Variants in NELL1 observed in about 807,000 individuals in gnomAD.
NELL1 encodes neural EGFL like 1, also known as protein kinase C-binding protein NELL1.
In NELL1, 76 loss-of-function variants were observed where a neutral mutation model predicts 107.4. The observed-to-expected ratio is 0.71, with a 90% CI of 0.59 to 0.86. The LOEUF is 0.86. Among genes scored for constraint, NELL1 ranks in the 40% least tolerant of loss-of-function variants. The pLI, the probability that NELL1 is intolerant of heterozygous loss-of-function variation, is 0.00. For synonymous variants in NELL1, 353 were observed against 341.2 expected, an observed-to-expected ratio of 1.03 and a Z score of -0.38; for missense variants, 1,024 against 1,005.5, an observed-to-expected ratio of 1.02 and a Z score of -0.25.
chr11:21,115,195 G>A (rs531049484), intron 13 of NELL1, among the ~76,000 whole-genome samples: 2 of 151,998 alleles, frequency 1.3e-5, no homozygotes, highest in African/African-American at 4.8e-5. Context: ...TTAAGAACTG[G>A]CTCCACAATT....
At chr11:21,279,589 A>G (rs1848945764) in intron 14 of NELL1, among the ~76,000 whole-genome samples, 1 of 152,228 alleles carries the variant, frequency 6.6e-6, no homozygotes, top group African/African-American at 2.4e-5. Flanking sequence ...AAAATCTGAC[A>G]CACTAACAGC....
At chr11:21,163,027 G>C (rs1856406138) in intron 13 of NELL1, among the ~76,000 whole-genome samples, 1 of 152,164 alleles carries the variant, frequency 6.6e-6, no homozygotes, top group Non-Finnish European at 1.5e-5. Context: ...GATTAAACCT[G>C]TCTATGAGAC....
chr11:21,182,120 C>T (rs999835304), intron 13 of NELL1, among the ~76,000 whole-genome samples: 42 of 151,832 alleles, frequency 2.8e-4, no homozygotes, highest in Non-Finnish European at 2.9e-5. Flanking sequence ...CAGACGCCAG[C>T]CAGAGCCTGT....
chr11:21,505,238 C>T (rs1413466878), intron 15 of NELL1, among the ~76,000 whole-genome samples: 1 of 152,152 alleles, frequency 6.6e-6, no homozygotes, highest in Admixed American at 6.6e-5. Context: ...CATTACTTAT[C>T]TATGCAGTAA....
At chr11:21,466,181 T>C (rs1854025062) in intron 15 of NELL1, among the ~76,000 whole-genome samples, 1 of 152,158 alleles carries the variant, frequency 6.6e-6, no homozygotes, top group Non-Finnish European at 1.5e-5. Flanking sequence ...CCGACTTATT[T>C]TTCCTTCCAG....
chr11:21,085,148 GTACCT>G (rs1854360286), intron 12 of NELL1, among the ~76,000 whole-genome samples: 1 of 151,994 alleles, frequency 6.6e-6, no homozygotes, highest in Non-Finnish European at 1.5e-5. Flanking sequence ...TATTTATTGA[GTACCT>G]ATAATATGTT....
intron 16 of NELL1, among the ~76,000 whole-genome samples, chr11:21,548,026 TA>T (rs896073172): frequency 2.7e-5 from 4 of 150,844 alleles, no homozygotes; most frequent in East Asian, 3.9e-4. Context: ...ATTTTCCTGC[TA>T]AAAAAAAATC....
chr11:21,402,755 G>A (rs528137511), intron 15 of NELL1, among the ~76,000 whole-genome samples: 1 of 151,310 alleles, frequency 6.6e-6, no homozygotes, highest in Non-Finnish European at 1.5e-5. Flanking sequence ...TGATGTGAAA[G>A]GTAGTTTGAA....
intron 2 of NELL1, among the ~76,000 whole-genome samples, chr11:20,704,072 T>C (rs777537796): frequency 3.5e-4 from 54 of 152,160 alleles, no homozygotes; most frequent in Non-Finnish European, 6.5e-4. Context: ...TAACTCTCTG[T>C]CTTGCTGATC....
intron 14 of NELL1, among the ~76,000 whole-genome samples, chr11:21,358,939 T>C (rs1288942441): frequency 6.6e-6 from 1 of 152,144 alleles, no homozygotes; most frequent in Non-Finnish European, 1.5e-5. Flanking sequence ...CAATTTGACT[T>C]CCTCTTTACT....
intron 12 of NELL1, among the ~76,000 whole-genome samples, chr11:21,017,632 A>G (rs1852598966): frequency 6.6e-6 from 1 of 152,070 alleles, no homozygotes; most frequent in Non-Finnish European, 1.5e-5. Context: ...TGAACATATT[A>G]TATACTTCTT....
intron 4 of NELL1, among the ~76,000 whole-genome samples, chr11:20,850,820 A>C (rs1439296386): frequency 6.6e-6 from 1 of 152,174 alleles, no homozygotes; most frequent in Non-Finnish European, 1.5e-5. Context: ...AGCCTCTACT[A>C]TAGGCCAGGT....
At chr11:21,542,984 A>C (rs1317679572) in intron 16 of NELL1, among the ~76,000 whole-genome samples, 1 of 152,052 alleles carries the variant, frequency 6.6e-6, no homozygotes, top group Non-Finnish European at 1.5e-5. Flanking sequence ...GTCAAGAAGT[A>C]AAGTCTCAAG....
At chr11:21,124,364 A>T (rs1389680858) in intron 13 of NELL1, among the ~76,000 whole-genome samples, 2 of 152,186 alleles carry the variant, frequency 1.3e-5, no homozygotes, top group African/African-American at 2.4e-5. Context: ...TCTGAACTAA[A>T]GTGATTAAAA....
At chr11:21,442,848 T>C (rs1853318843) in intron 15 of NELL1, among the ~76,000 whole-genome samples, 1 of 151,670 alleles carries the variant, frequency 6.6e-6, no homozygotes, top group Admixed American at 6.6e-5. Context: ...ACAATGAATA[T>C]GCATCATGAC....
At chr11:20,778,791 C>T (rs1323609879) in intron 2 of NELL1, among the ~76,000 whole-genome samples, 1 of 152,078 alleles carries the variant, frequency 6.6e-6, no homozygotes, top group East Asian at 1.9e-4. Context: ...AAATGGAAAG[C>T]CTCACGGACA....
chr11:20,744,386 TGA>T (rs1855956596), intron 2 of NELL1, among the ~76,000 whole-genome samples: 1 of 152,256 alleles, frequency 6.6e-6, no homozygotes, highest in Non-Finnish European at 1.5e-5. Context: ...TCTCACTGTC[TGA>T]ACATGCTATA....
At chr11:21,083,171 A>T (rs1854309260) in intron 12 of NELL1, among the ~76,000 whole-genome samples, 1 of 152,162 alleles carries the variant, frequency 6.6e-6, no homozygotes, top group African/African-American at 2.4e-5. Flanking sequence ...TTATGGGGCC[A>T]TTGGTAGGTA....
At chr11:20,757,760 C>T (rs1398362269) in intron 2 of NELL1, among the ~76,000 whole-genome samples, 2 of 152,196 alleles carry the variant, frequency 1.3e-5, no homozygotes, top group African/African-American at 4.8e-5. Flanking sequence ...CATGGAATCT[C>T]CTGCCTCCAA....
Sources: gnomAD v4.1 joint callset for allele counts (sites outside exome capture counted in the v4.1 genomes callset) on GRCh38, gnomAD v4.1.1 for gene constraint, MANE v1.5 for transcripts, NCBI Gene and HGNC (gene_info 2026-07-23, HGNC 2026-07-21) for gene names.